The following SAMD8 variants were observed in gnomAD, a reference collection of about 807,000 sequenced individuals.
SAMD8 encodes sphingomyelin synthase-related protein 1.
In SAMD8, 20 loss-of-function variants were observed where a neutral mutation model predicts 42.0. The observed-to-expected ratio is 0.48, with a 90% CI of 0.34 to 0.69. The LOEUF is 0.69. SAMD8 is among the 30% of genes least tolerant of loss of function. SAMD8 has a pLI of 0.01. For missense variants in SAMD8, 328 were observed against 511.6 expected (o/e 0.64, Z 3.46); for synonymous variants, 162 against 173.0 (o/e 0.94, Z 0.50).
At chr10:75,171,160 C>CTTTTTTTTTTTTTTTTT (rs1003923090) in intron 4 of SAMD8, among the ~76,000 whole-genome samples, 31 of 68,522 alleles carry the variant, frequency 4.5e-4, no homozygotes, top group Admixed American at 6.9e-4. Context: ...CTTTCTTTTT[C>CTTTTTTTTTTTTTTTTT]TTTTTTTTTT....
chr10:75,170,646 TAAA>T (rs1384029389), intron 4 of SAMD8, among the ~76,000 whole-genome samples: 2 of 151,650 alleles, frequency 1.3e-5, no homozygotes, highest in African/African-American at 2.4e-5. Context: ...ATGTATATAT[TAAA>T]AAGTAAAAAT....
chr10:75,174,879 A>G (rs780633806), intron 4 of SAMD8, among the ~76,000 whole-genome samples: 2 of 152,130 alleles, frequency 1.3e-5, no homozygotes, highest in Non-Finnish European at 2.9e-5. Flanking sequence ...CAAAGTGGCT[A>G]TGGTTTAATA....
intron 1 of SAMD8, chr10:75,125,531 A>T (rs1849110775): frequency 6.6e-6 from 1 of 152,224 alleles, no homozygotes; most frequent in South Asian, 2.1e-4. Context: ...TGGAAGGATC[A>T]CTTGAGCTCA....
At chr10:75,164,077 A>C (rs905191450) in intron 2 of SAMD8, among the ~76,000 whole-genome samples, 2 of 152,128 alleles carry the variant, frequency 1.3e-5, no homozygotes, top group Non-Finnish European at 1.5e-5. Context: ...TTAGCCAGGC[A>C]TAGTTTCACG....
intron 1 of SAMD8, among the ~76,000 whole-genome samples, chr10:75,136,741 C>A (rs1393847712): frequency 6.6e-6 from 1 of 152,114 alleles, no homozygotes; most frequent in Non-Finnish European, 1.5e-5. Context: ...ACCAAAAAAA[C>A]CCAGTAAAAA....
intron 3 of SAMD8, among the ~76,000 whole-genome samples, chr10:75,166,116 G>T (rs1441914643): frequency 6.6e-6 from 1 of 151,720 alleles, no homozygotes; most frequent in Non-Finnish European, 1.5e-5. Flanking sequence ...ATAGACGAAA[G>T]AATTTATTTA....
intron 2 of SAMD8, among the ~76,000 whole-genome samples, chr10:75,152,043 T>C (rs1244801011): frequency 7.1e-6 from 1 of 141,734 alleles, no homozygotes; most frequent in African/African-American, 2.6e-5. Flanking sequence ...TAAATGGAAC[T>C]TGGCTGCCTT....
chr10:75,109,643 G>A (rs1848715249), upstream of SAMD8, among the ~76,000 whole-genome samples: 1 of 152,142 alleles, frequency 6.6e-6, no homozygotes, highest in African/African-American at 2.4e-5. Context: ...TACAGTCTAG[G>A]TGGGCCACAA....
chr10:75,157,373 T>C (rs916546127), intron 2 of SAMD8, among the ~76,000 whole-genome samples: 1 of 152,112 alleles, frequency 6.6e-6, no homozygotes, highest in African/African-American at 2.4e-5. Flanking sequence ...GGTATAATGT[T>C]AGAACAGTGC....
At chr10:75,163,473 C>T (rs931515300) in intron 2 of SAMD8, among the ~76,000 whole-genome samples, 3 of 151,984 alleles carry the variant, frequency 2.0e-5, no homozygotes, top group East Asian at 1.9e-4. Flanking sequence ...CTGGTTCTGT[C>T]GCCTAGGTTG....
At chr10:75,118,878 T>C (rs1364944201) in intron 1 of SAMD8, among the ~76,000 whole-genome samples, 1 of 152,182 alleles carries the variant, frequency 6.6e-6, no homozygotes, top group East Asian at 1.9e-4. Context: ...TTCATAAGAA[T>C]TGTTTTTATG....
chr10:75,108,489 C>T (rs569557096), upstream of SAMD8, among the ~76,000 whole-genome samples: 335 of 152,292 alleles, frequency 2.2e-3, 1 homozygote, highest in African/African-American at 7.7e-3. Context: ...GAAGGGATTG[C>T]TTCAGCCCTG....
chr10:75,144,962 G>A (rs998664091), intron 1 of SAMD8, among the ~76,000 whole-genome samples: 1 of 152,166 alleles, frequency 6.6e-6, no homozygotes, highest in Non-Finnish European at 1.5e-5. Context: ...TGTTTCTATT[G>A]TTACTTAGTT....
chr10:75,150,258 T>A (rs1589959955), intron 1 of SAMD8: 1 of 168,970 alleles, frequency 5.9e-6, no homozygotes, highest in East Asian at 1.9e-4. Context: ...ACTATAGGTG[T>A]CCCACCATGC....
intron 2 of SAMD8, among the ~76,000 whole-genome samples, chr10:75,162,649 CAAAA>C (rs11354181): frequency 3.3e-5 from 3 of 89,878 alleles, no homozygotes; most frequent in Non-Finnish European, 4.6e-5. Context: ...AACTCCGTCT[CAAAA>C]AAAAAAAAAA....
At chr10:75,113,669 T>C (rs11001296) in intron 1 of SAMD8, among the ~76,000 whole-genome samples, 39,892 of 152,168 alleles carry the variant, frequency 0.26, 5,714 homozygotes, top group African/African-American at 0.37. Flanking sequence ...AGTGGAATAG[T>C]AATTGTTTCT....
At chr10:75,142,592 A>C (rs888318945) in intron 1 of SAMD8, among the ~76,000 whole-genome samples, 4 of 151,954 alleles carry the variant, frequency 2.6e-5, no homozygotes, top group African/African-American at 9.7e-5. Context: ...GCGTGCCACC[A>C]CGCCCAGCTA....
At chr10:75,110,526 A>C (rs1011344573), upstream of SAMD8, among the ~76,000 whole-genome samples, 82 of 152,186 alleles carry the variant, frequency 5.4e-4, no homozygotes, top group African/African-American at 1.8e-3. Context: ...GAAGCAGTCT[A>C]CACTCATGTC....
At chr10:75,105,734 T>A in intron 1 of SAMD8, 1 of 1,554,718 alleles carries the variant, frequency 6.4e-7, no homozygotes, top group Non-Finnish European at 8.7e-7. Flanking sequence ...AAGCCTCGGT[T>A]GGGGAAGACC....
Sources: gnomAD v4.1 joint callset for allele counts (sites outside exome capture counted in the v4.1 genomes callset) on GRCh38, gnomAD v4.1.1 for gene constraint, MANE v1.5 for transcripts, NCBI Gene and HGNC (gene_info 2026-07-23, HGNC 2026-07-21) for gene names.